The following KCNIP4 variants were observed in gnomAD, a reference collection of about 807,000 sequenced individuals.
KCNIP4 encodes the protein Kv channel-interacting protein 4.
KCNIP4 carries 12 observed loss-of-function variants against 34.0 expected under a neutral mutation model. The ratio of observed to expected loss-of-function variants is 0.35; its 90% CI spans 0.23 to 0.57. The LOEUF (loss-of-function observed/expected upper bound fraction) is 0.57, where lower values mean the gene tolerates loss of function less well. Among genes scored for constraint, KCNIP4 ranks in the 20% least tolerant of loss-of-function variants. The pLI is 0.83. For synonymous variants in KCNIP4, 124 were observed against 102.2 expected (o/e 1.21, Z -1.29); for missense variants, 238 against 311.7 (o/e 0.76, Z 1.78).
At chr4:21,711,159 G>A (rs1337760250) in intron 1 of KCNIP4, among the ~76,000 whole-genome samples, 1 of 152,042 alleles carries the variant, frequency 6.6e-6, no homozygotes, top group African/African-American at 2.4e-5. Context: ...TTTCTTGAAG[G>A]GAGAGAAAAG....
At chr4:20,855,538 A>G (rs188502781) in intron 2 of KCNIP4, among the ~76,000 whole-genome samples, 28 of 152,166 alleles carry the variant, frequency 1.8e-4, no homozygotes, top group East Asian at 1.7e-3. Context: ...TCTTGCTAAC[A>G]TCTGTTCCTC....
At chr4:21,494,334 T>G (rs1390344579) in intron 1 of KCNIP4, among the ~76,000 whole-genome samples, 2 of 152,076 alleles carry the variant, frequency 1.3e-5, no homozygotes, top group African/African-American at 4.8e-5. Flanking sequence ...AAATTTATAA[T>G]TTTCTAAATA....
intron 3 of KCNIP4, among the ~76,000 whole-genome samples, chr4:20,823,898 A>G (rs1250752712): frequency 6.6e-6 from 1 of 152,208 alleles, no homozygotes. Flanking sequence ...TGGAAAGCAA[A>G]TAATAAATTC....
At chr4:20,772,641 T>C (rs1293942356) in intron 3 of KCNIP4, among the ~76,000 whole-genome samples, 1 of 151,838 alleles carries the variant, frequency 6.6e-6, no homozygotes, top group East Asian at 1.9e-4. Flanking sequence ...TCTCTCTCTT[T>C]CTTTCTTCTT....
chr4:20,821,082 C>A (rs1717049747), intron 3 of KCNIP4, among the ~76,000 whole-genome samples: 1 of 152,152 alleles, frequency 6.6e-6, no homozygotes, highest in African/African-American at 2.4e-5. Flanking sequence ...CCTGATAGAG[C>A]TATGGAGTAT....
intron 1 of KCNIP4, among the ~76,000 whole-genome samples, chr4:21,616,395 G>A (rs1280614517): frequency 6.6e-6 from 1 of 152,018 alleles, no homozygotes; most frequent in Non-Finnish European, 1.5e-5. Context: ...TCCCTCTTGA[G>A]AATGTCAGCA....
At chr4:21,461,848 T>C (rs943926144) in intron 1 of KCNIP4, among the ~76,000 whole-genome samples, 1 of 152,048 alleles carries the variant, frequency 6.6e-6, no homozygotes, top group Non-Finnish European at 1.5e-5. Flanking sequence ...TCACTTTACC[T>C]CCACGACTTT....
At chr4:21,532,205 C>A (rs1736739794) in intron 1 of KCNIP4, among the ~76,000 whole-genome samples, 1 of 152,070 alleles carries the variant, frequency 6.6e-6, no homozygotes, top group South Asian at 2.1e-4. Context: ...TTTTGAAAAT[C>A]AGGTTTTCTT....
intron 1 of KCNIP4, among the ~76,000 whole-genome samples, chr4:21,547,177 T>C (rs1738216024): frequency 6.6e-6 from 1 of 152,022 alleles, no homozygotes; most frequent in Non-Finnish European, 1.5e-5. Context: ...GAACCCAGTC[T>C]AGATCAGCTG....
intron 1 of KCNIP4, among the ~76,000 whole-genome samples, chr4:21,536,008 T>C (rs1400576490): frequency 1.3e-5 from 2 of 152,096 alleles, no homozygotes; most frequent in African/African-American, 4.8e-5. Context: ...CCAGGTCCAG[T>C]GATGATATCA....
intron 1 of KCNIP4, among the ~76,000 whole-genome samples, chr4:21,820,285 G>GTGTATATA (rs1169931084): frequency 1.9e-4 from 4 of 20,666 alleles, no homozygotes; most frequent in African/African-American, 3.8e-4. Flanking sequence ...GTGTGTGTGT[G>GTGTATATA]TATATATATA....
At chr4:20,734,316 A>G (rs1373530634) in intron 6 of KCNIP4, among the ~76,000 whole-genome samples, 2 of 152,154 alleles carry the variant, frequency 1.3e-5, no homozygotes, top group African/African-American at 4.8e-5. Flanking sequence ...CTTCAGGCTA[A>G]ATGTTGAAAC....
chr4:21,503,239 C>T (rs768261936), intron 1 of KCNIP4, among the ~76,000 whole-genome samples: 1 of 152,106 alleles, frequency 6.6e-6, no homozygotes, highest in Non-Finnish European at 1.5e-5. Context: ...TATTTTCTTG[C>T]CTTAGCCACT....
chr4:21,565,647 G>T (rs1739823361), intron 1 of KCNIP4, among the ~76,000 whole-genome samples: 1 of 152,084 alleles, frequency 6.6e-6, no homozygotes, highest in African/African-American at 2.4e-5. Context: ...GATTGGCAAT[G>T]ACATTCATTA....
At chr4:20,919,225 C>T (rs1412886704) in intron 1 of KCNIP4, among the ~76,000 whole-genome samples, 3 of 151,912 alleles carry the variant, frequency 2.0e-5, no homozygotes, top group Admixed American at 6.6e-5. Flanking sequence ...AGACATTAGC[C>T]CTTGGAGAGC....
intron 1 of KCNIP4, among the ~76,000 whole-genome samples, chr4:20,974,096 G>A (rs180919546): frequency 1.7e-3 from 263 of 152,268 alleles, no homozygotes; most frequent in African/African-American, 6.0e-3. Flanking sequence ...ACAAGCCTTC[G>A]CTTTGTAAAA....
rs182680619 is a variant in KCNIP4 at position 20,731,613 on chromosome 4, A to C, written c.705+393T>G. On this transcript the variant is annotated intron_variant, in intron 8 of 8. Transcript: ENST00000382152. ...TCAGATAGAAGCTTGGCCTGTTGTG[A>C]TGCCATACTTGGCTATCTAGGAATT... The C allele has an allele frequency of 8.3e-5, 82 of 985,252 alleles. No individual in the cohort carries two copies. The African/African-American group carries it at 1.2e-3, about 15-fold the overall frequency. The allele number at this position is 985,252 out of a possible 1,614,324, so 61.0% of individuals were successfully genotyped here. A position where few individuals can be genotyped will look rare whatever the true frequency, so the allele number is the denominator to read the frequency against.
chr4:21,755,499 G>A (rs150226392), intron 1 of KCNIP4, among the ~76,000 whole-genome samples: 1 of 152,232 alleles, frequency 6.6e-6, no homozygotes, highest in African/African-American at 2.4e-5. Context: ...TGAAACTGAA[G>A]GACAAGGGGC....
intron 1 of KCNIP4, among the ~76,000 whole-genome samples, chr4:21,725,065 GTCTAAACCT>G (rs1715094694): frequency 6.6e-6 from 1 of 152,006 alleles, no homozygotes; most frequent in African/African-American, 2.4e-5. Context: ...CTGACTTTGC[GTCTAAACCT>G]AGTAAATTTG....
Sources: allele counts gnomAD v4.1 joint callset (sites outside exome capture counted in the v4.1 genomes callset), GRCh38; gene constraint gnomAD v4.1.1; transcripts MANE v1.5; gene names NCBI Gene and HGNC (gene_info 2026-07-23, HGNC 2026-07-21).